Variants in MTERF4 observed in about 807,000 individuals in gnomAD.
MTERF4 encodes the protein mitochondrial transcription termination factor 4, also known as transcription termination factor 4, mitochondrial.
A neutral mutation model predicts 22.5 loss-of-function variants in MTERF4; 17 were observed. That is an observed-to-expected ratio of 0.75 (90% CI 0.52 to 1.13). The LOEUF (loss-of-function observed/expected upper bound fraction) is 1.13, where lower values mean the gene tolerates loss of function less well. MTERF4 is among the 50% of genes most tolerant of loss of function. The probability of loss-of-function intolerance (pLI) is 0.00; values close to 1 mark genes in which losing one functional copy is unlikely to be tolerated. For missense variants in MTERF4, 420 were observed against 466.8 expected, an observed-to-expected ratio of 0.90 and a Z score of 0.92; for synonymous variants, 165 against 175.3, an observed-to-expected ratio of 0.94 and a Z score of 0.47.
At chr2:241,068,926 G>T (rs370032581), downstream of MTERF4, 44 of 1,552,346 alleles carry the variant, frequency 2.8e-5, no homozygotes, top group Non-Finnish European at 3.6e-5. This position sits in a 1 kb window ranked among gnomAD's most constrained non-coding sequence, Gnocchi z 5.3. Flanking sequence ...TGCTGCCTGG[G>T]AAGAGGTACA....
rs144660067 is a variant in MTERF4 at position 241,099,703 on chromosome 2, C to T, written c.213G>A (p.Arg71=). ...NNYVQEPECR[R]NLVQCLLEKQ... ...TCTCAAGGAGGCACTGAACAAGATT[C>T]CTCCTGCACTCTGGTTCCTGCACAT... The change falls in exon 2 of 4, where the codon AGG becomes AGA. Residue 71 remains arginine (R), a synonymous_variant. Transcript: ENST00000391980. The T allele has an allele frequency of 3.7e-5, 60 of 1,614,208 alleles. No individual in the cohort carries two copies. In the African/African-American group the frequency reaches 6.4e-4, roughly 17 times the overall value.
intron 2 of MTERF4, among the ~76,000 whole-genome samples, chr2:241,098,776 AT>A (rs11311926): frequency 0.33 from 50,172 of 152,100 alleles, 12,204 homozygotes; most frequent in African/African-American, 0.67. Flanking sequence ...TCAACATCAC[AT>A]TATCAGCATC....
chr2:241,050,331 A>G, the MTERF4 span, among the ~76,000 whole-genome samples: 1 of 152,172 alleles, frequency 6.6e-6, no homozygotes, highest in African/African-American at 2.4e-5. Context: ...TCCTTCTGTA[A>G]GCACACTGCA....
intron 4 of MTERF4, among the ~76,000 whole-genome samples, chr2:241,077,301 G>A (rs1441849193): frequency 6.6e-6 from 1 of 152,090 alleles, no homozygotes; most frequent in African/African-American, 2.4e-5. Context: ...TAAATGTTAG[G>A]AGCTAAAACC....
At chr2:241,042,980 C>T in the MTERF4 span, among the ~76,000 whole-genome samples, 54 of 151,306 alleles carry the variant, frequency 3.6e-4, no homozygotes, top group African/African-American at 1.3e-3. Flanking sequence ...GGATGAAGAA[C>T]AGTATCAAGC....
chr2:241,081,792 C>A (rs1173367016), intron 4 of MTERF4: 1 of 1,576,288 alleles, frequency 6.3e-7, no homozygotes, highest in East Asian at 2.3e-5. Flanking sequence ...GCTGCGAGCT[C>A]GGTAAGTCGG....
At chr2:241,044,746 G>A in the MTERF4 span, among the ~76,000 whole-genome samples, 1 of 152,286 alleles carries the variant, frequency 6.6e-6, no homozygotes, top group Non-Finnish European at 1.5e-5. Flanking sequence ...CCAGTTGGAG[G>A]TGCTGTGGTT....
chr2:241,071,954 C>T (rs1395331256), downstream of MTERF4: 2 of 1,216,072 alleles, frequency 1.6e-6, no homozygotes, highest in Non-Finnish European at 2.4e-6. Context: ...GGTCCTGTCC[C>T]CTACATGATG....
the MTERF4 span, chr2:241,063,754 CAG>C: frequency 7.7e-7 from 1 of 1,303,222 alleles, no homozygotes; most frequent in South Asian, 1.3e-5. Flanking sequence ...TCTGGAAGAT[CAG>C]AGAGGAGGTG....
chr2:241,057,439 A>ATCCCAGCAATT, the MTERF4 span, among the ~76,000 whole-genome samples: 1 of 142,760 alleles, frequency 7.0e-6, no homozygotes, highest in Admixed American at 7.1e-5. Context: ...CACACATATA[A>ATCCCAGCAATT]TGGGAGGTCA....
the MTERF4 span, chr2:241,063,835 G>A: frequency 3.8e-6 from 3 of 793,972 alleles, no homozygotes; most frequent in Non-Finnish European, 6.0e-6. Context: ...CGGCCACCTT[G>A]GGAGGGAGGG....
chr2:241,092,262 T>A (rs1242619075), downstream of MTERF4: 2 of 152,208 alleles, frequency 1.3e-5, no homozygotes, highest in Admixed American at 6.5e-5. This position sits in a 1 kb window ranked among gnomAD's most constrained non-coding sequence, Gnocchi z 4.6. Flanking sequence ...GAGTTCAGAC[T>A]TTTTTAGACA....
exon 5 of MTERF4, chr2:241,072,548 T>C (rs560292684): frequency 3.1e-6 from 1 of 318,350 alleles, no homozygotes; most frequent in South Asian, 2.5e-5. Flanking sequence ...GTCACCAGTT[T>C]AATGAACACG....
rs1418940872 is a variant in MTERF4 at position 241,099,894 on chromosome 2, C to T, written c.22G>A (p.Val8Ile). The change falls in exon 2 of 4, where the codon GTC becomes ATC. Residue 8 changes from valine to isoleucine, a missense_variant and splice_region_variant. By Grantham distance (29) the Val-to-Ile change is conservative. Coordinates refer to ENST00000391980, the MANE Select transcript of MTERF4 (RefSeq NM_182501.4). Reference protein sequence around the residue: MAAFGRQVLDWHRLIPLT... With the variant: MAAFGRQILDWHRLIPLT... ...GGGATCAGGCGGTGCCAATCAAGGA[C>T]CTGTAAGACACAGGACCAAAAGACA... The T allele has an allele frequency of 1.9e-6, 3 of 1,610,886 alleles. No individual in the cohort carries two copies. Among genetic ancestry groups the T allele is most frequent in the Non-Finnish European group, 2.5e-6 (3 of 1,179,928 alleles).
the MTERF4 span, chr2:241,048,564 T>G: frequency 6.7e-7 from 1 of 1,497,422 alleles, no homozygotes; most frequent in Non-Finnish European, 9.1e-7. Flanking sequence ...CCACTGCAAT[T>G]TGTATGGGAA....
At chr2:241,048,202 A>G in the MTERF4 span, 2 of 1,273,484 alleles carry the variant, frequency 1.6e-6, no homozygotes, top group East Asian at 5.2e-5. Flanking sequence ...CTTAAATTCC[A>G]CTTGGGAATG....
chr2:241,066,469 G>T, the MTERF4 span, among the ~76,000 whole-genome samples: 1 of 152,220 alleles, frequency 6.6e-6, no homozygotes. Flanking sequence ...AACAGGCTGG[G>T]CAGGAACCAA....
the MTERF4 span, among the ~76,000 whole-genome samples, chr2:241,054,593 G>A: frequency 2.6e-5 from 4 of 152,028 alleles, no homozygotes; most frequent in African/African-American, 7.3e-5. Context: ...ATGGATTAAC[G>A]GTATAAAATA....
At chr2:241,076,021 C>T (rs530397489) in intron 4 of MTERF4, among the ~76,000 whole-genome samples, 32 of 152,332 alleles carry the variant, frequency 2.1e-4, no homozygotes, top group African/African-American at 6.7e-4. Flanking sequence ...ACATCTGTGC[C>T]AATACTGCCC....
Sources: gnomAD v4.1 joint callset for allele counts (sites outside exome capture counted in the v4.1 genomes callset) on GRCh38, gnomAD v4.1.1 for gene constraint, Gnocchi (gnomAD v3.1) non-coding constraint, MANE v1.5 for transcripts, NCBI Gene and HGNC (gene_info 2026-07-23, HGNC 2026-07-21) for gene names.